Variants in FBXL13 observed in about 807,000 individuals in gnomAD.
FBXL13 encodes the protein F-box and leucine rich repeat protein 13.
Under a neutral mutation model 83.6 loss-of-function variants are expected in FBXL13, and 67 were observed. The ratio of observed to expected loss-of-function variants is 0.80; its 90% CI spans 0.66 to 0.98. The LOEUF (loss-of-function observed/expected upper bound fraction) is 0.98, where lower values mean the gene tolerates loss of function less well. FBXL13 is among the 50% of genes least tolerant of loss of function. The pLI is 0.00. For synonymous variants in FBXL13, 272 were observed against 299.5 expected (o/e 0.91, Z 0.95); for missense variants, 822 against 866.5 (o/e 0.95, Z 0.64).
At chr7:103,055,128 T>TCAGA in intron 2 of FBXL13, 1 of 1,289,534 alleles carries the variant, frequency 7.8e-7, no homozygotes. Flanking sequence ...CAGGTAAGTT[T>TCAGA]CAGACAATCT....
At chr7:102,857,704 A>G (rs1180092764) in intron 16 of FBXL13, 1 of 152,228 alleles carries the variant, frequency 6.6e-6, no homozygotes, top group African/African-American at 2.4e-5. Flanking sequence ...CAAATAGTCA[A>G]CAAATATATG....
chr7:102,886,597 ATGAT>A (rs1810824686), intron 11 of FBXL13, among the ~76,000 whole-genome samples: 1 of 152,172 alleles, frequency 6.6e-6, no homozygotes, highest in Admixed American at 6.5e-5. Context: ...TATTCATTTT[ATGAT>A]TGATTAGTTA....
intron 10 of FBXL13, among the ~76,000 whole-genome samples, chr7:102,916,569 C>T (rs144336619): frequency 7.2e-5 from 11 of 152,194 alleles, no homozygotes; most frequent in African/African-American, 1.2e-4. Context: ...CTGCTAGGGA[C>T]GGGAAAAGTG....
intron 16 of FBXL13, among the ~76,000 whole-genome samples, chr7:102,874,623 G>A (rs2129457267): frequency 6.6e-6 from 1 of 152,248 alleles, no homozygotes; most frequent in East Asian, 1.9e-4. Context: ...GGAGTACAGT[G>A]GTACAATCAC....
chr7:102,836,630 A>G lies in FBXL13; in HGVS notation c.1720-3656T>C, dbSNP rs768893823. Among the ~76,000 whole-genome samples, 26 of 152,318 alleles carry G rather than the reference A, an allele frequency of 1.7e-4. 1 individual carries two copies. The highest frequency in any genetic ancestry group is 1.7e-3 in the South Asian group (8 of 4,822). ...TGGCTCCTTTCCCATGTATCAGCCA[A>G]TTTTGCTGTGTGTTGGCAATCTGGA... On this transcript the variant is annotated intron_variant, in intron 17 of 19. Transcript: ENST00000313221.
At chr7:102,864,841 A>G (rs1385492823) in intron 16 of FBXL13, among the ~76,000 whole-genome samples, 1 of 152,240 alleles carries the variant, frequency 6.6e-6, no homozygotes, top group African/African-American at 2.4e-5. Context: ...CAACACTGTG[A>G]GGTAGGTAAT....
intron 7 of FBXL13, among the ~76,000 whole-genome samples, chr7:102,965,960 G>A (rs544626032): frequency 4.6e-5 from 7 of 152,272 alleles, no homozygotes; most frequent in African/African-American, 1.7e-4. Context: ...AGGGGGACTG[G>A]TGCCATTTTG....
At chr7:103,003,366 C>A (rs1790639573) in intron 6 of FBXL13, among the ~76,000 whole-genome samples, 1 of 142,976 alleles carries the variant, frequency 7.0e-6, no homozygotes, top group Non-Finnish European at 1.5e-5. Flanking sequence ...CGGCTCACTG[C>A]AACCTCCACC....
chr7:103,066,929 T>C (rs1036207044), intron 1 of FBXL13, among the ~76,000 whole-genome samples: 14 of 151,036 alleles, frequency 9.3e-5, no homozygotes, highest in African/African-American at 3.4e-4. Flanking sequence ...GTAGCTGGGA[T>C]TAAAGGCATG....
At chr7:103,022,655 C>T (rs1379830990) in intron 6 of FBXL13, among the ~76,000 whole-genome samples, 2 of 152,070 alleles carry the variant, frequency 1.3e-5, no homozygotes, top group Non-Finnish European at 2.9e-5. Context: ...CTTCCTTACA[C>T]CATATACAAA....
chr7:102,986,776 A>AT (rs71110805), intron 6 of FBXL13, among the ~76,000 whole-genome samples: 81,246 of 151,626 alleles, frequency 0.54, 24,173 homozygotes, highest in Non-Finnish European at 0.66. Context: ...ACTAGGGAGT[A>AT]TTTTTTTTGT....
At chr7:102,942,451 G>A (rs1821650843) in intron 8 of FBXL13, 3 of 947,080 alleles carry the variant, frequency 3.2e-6, no homozygotes, top group Non-Finnish European at 4.5e-6. Flanking sequence ...ACCCTACTAG[G>A]GGGTTTTTAC....
intron 6 of FBXL13, chr7:102,978,658 T>G: frequency 4.2e-6 from 1 of 238,816 alleles, no homozygotes; most frequent in South Asian, 6.2e-5. Context: ...TAAAACAGCG[T>G]GTTGCTCCAC....
chr7:102,868,138 A>T (rs1808020198), intron 16 of FBXL13, among the ~76,000 whole-genome samples: 1 of 152,144 alleles, frequency 6.6e-6, no homozygotes, highest in South Asian at 2.1e-4. Flanking sequence ...CACCTCATTG[A>T]TCATTTCTTT....
intron 6 of FBXL13, among the ~76,000 whole-genome samples, chr7:102,972,570 G>A (rs1360160476): frequency 6.6e-6 from 1 of 152,024 alleles, no homozygotes; most frequent in Non-Finnish European, 1.5e-5. Context: ...GGTAATGGGT[G>A]CGCTAAAATC....
intron 16 of FBXL13, among the ~76,000 whole-genome samples, chr7:102,876,520 C>T (rs1283737166): frequency 6.7e-6 from 1 of 149,604 alleles, no homozygotes; most frequent in Non-Finnish European, 1.5e-5. Flanking sequence ...ATGAACAGAT[C>T]TAGTCCTTCA....
rs1171979977 is a variant in FBXL13 at position 102,913,203 on chromosome 7, G to C, written c.891C>G (p.Asn297Lys). Residue 297 changes from asparagine to lysine, a missense_variant, in exon 11 of 20, where the codon AAC (asparagine) becomes AAG (lysine). Physicochemically the swap from Asn to Lys is moderately conservative, Grantham distance 94. Coordinates refer to ENST00000313221, the Ensembl canonical transcript of FBXL13. ...AATAAGCCAAACTAAGATTCTGTAA[G>C]TTGTGGAAGTGCCTGAAAAGACAAA... The C allele has an allele frequency of 8.7e-6, 14 of 1,614,030 alleles. No homozygotes were observed. In the African/African-American group the frequency reaches 1.1e-4, roughly 12 times the overall value.
chr7:103,015,993 C>A (rs1449485577), intron 6 of FBXL13, among the ~76,000 whole-genome samples: 1 of 151,840 alleles, frequency 6.6e-6, no homozygotes, highest in Non-Finnish European at 1.5e-5. Context: ...CAAAACACTG[C>A]AAGAAAGAAA....
At chr7:103,041,074 G>A (rs551048581) in intron 2 of FBXL13, among the ~76,000 whole-genome samples, 6 of 151,986 alleles carry the variant, frequency 3.9e-5, no homozygotes, top group Non-Finnish European at 8.8e-5. Context: ...TTGATAGACC[G>A]ATAGCAAGAC....
Sources: allele counts gnomAD v4.1 joint callset (sites outside exome capture counted in the v4.1 genomes callset), GRCh38; gene constraint gnomAD v4.1.1; transcripts MANE v1.5; gene names NCBI Gene and HGNC (gene_info 2026-07-23, HGNC 2026-07-21).